ARMC12: variants seen among roughly 807,000 people sequenced by gnomAD.
The protein encoded by ARMC12 is armadillo repeat containing 12.
In ARMC12, 25 loss-of-function variants were observed where a neutral mutation model predicts 37.4. The observed-to-expected ratio is 0.67, with a 90% CI of 0.49 to 0.93. The LOEUF (loss-of-function observed/expected upper bound fraction) is 0.93. ARMC12 is among the 40% of genes least tolerant of loss of function. ARMC12 has a pLI of 0.00. For synonymous variants in ARMC12, 167 were observed against 176.1 expected (o/e 0.95, Z 0.41); for missense variants, 384 against 426.6 (o/e 0.90, Z 0.88).
chr6:35,738,401 G>A lies in ARMC12; in HGVS notation c.327G>A (p.Thr109=), dbSNP rs375466754. 30 of 1,613,486 alleles carry A rather than the reference G, an allele frequency of 1.9e-5. No homozygotes were observed. Among genetic ancestry groups the A allele is most frequent in the African/African-American group, 9.4e-5 (7 of 74,706 alleles). Residue 109 remains threonine, a synonymous_variant, in exon 3 of 6, where the codon ACG becomes ACA. Coordinates refer to ENST00000373866, the MANE Select transcript of ARMC12 (RefSeq NM_001286574.2). ...LLEAEASACT[T]DDIVLLGYML... ...TACTCCAGGCCTCTGCTTGTACTAC[G>A]GATGACATCGTGTTGCTGGGCTACA...
upstream of ARMC12, among the ~76,000 whole-genome samples, chr6:35,736,593 G>A (rs1269821507): frequency 6.6e-6 from 1 of 151,960 alleles, no homozygotes; most frequent in Admixed American, 6.6e-5. Context: ...TTCATCTCCT[G>A]TGGTCTCTAA....
upstream of ARMC12, chr6:35,737,020 C>T: frequency 6.4e-7 from 1 of 1,564,846 alleles, no homozygotes; most frequent in Non-Finnish European, 8.7e-7. Flanking sequence ...TACCCTGGTT[C>T]CTGACCCTGC....
rs35769368 is a variant in ARMC12, at chr6:35,738,037, C to G, written c.174C>G (p.Val58=). The G allele has an allele frequency of 3.0e-3, 4,917 of 1,613,334 alleles. 82 individuals are homozygous for G. In the African/African-American group the frequency reaches 0.047, roughly 15 times the overall value. The part of the protein sequence containing the change: ...NSPICIARLA[V]ERERHGRDSG... ...GGGGTGGCTGTCTAGGCCTGGCAGT[C>G]GAGCGAGAGCGGCACGGGCGGGACT... The change falls in exon 2 of 6, where the codon GTC becomes GTG. Residue 58 remains valine, a synonymous_variant. Coordinates refer to ENST00000373866, the MANE Select transcript of ARMC12 (RefSeq NM_001286574.2).
At chr6:35,732,310 T>C (rs1275537346), upstream of ARMC12, among the ~76,000 whole-genome samples, 2 of 152,156 alleles carry the variant, frequency 1.3e-5, no homozygotes, top group African/African-American at 4.8e-5. Context: ...ATCTCTTGGC[T>C]TTCTGCAAGG....
chr6:35,742,655 C>G (rs1055318441), intron 3 of ARMC12, among the ~76,000 whole-genome samples: 1 of 152,166 alleles, frequency 6.6e-6, no homozygotes, highest in Non-Finnish European at 1.5e-5. Flanking sequence ...CCCCTGGTCT[C>G]TTTTCAGGTG....
At chr6:35,740,237 C>T (rs1767124251) in intron 3 of ARMC12, among the ~76,000 whole-genome samples, 1 of 152,142 alleles carries the variant, frequency 6.6e-6, no homozygotes, top group Non-Finnish European at 1.5e-5. Context: ...GTCACTTCCC[C>T]CTTTCCCTGC....
intron 3 of ARMC12, among the ~76,000 whole-genome samples, chr6:35,746,230 G>A (rs1767333944): frequency 6.6e-6 from 1 of 152,076 alleles, no homozygotes; most frequent in African/African-American, 2.4e-5. Flanking sequence ...CTTAAAGGAG[G>A]TGTGAGAGTG....
intron 3 of ARMC12, among the ~76,000 whole-genome samples, chr6:35,744,234 C>T (rs557158733): frequency 1.1e-4 from 17 of 152,058 alleles, no homozygotes; most frequent in East Asian, 5.9e-4. Context: ...TTCCGCCTCC[C>T]GGGTTCAAGC....
In ARMC12 at chr6:35,740,067, G is replaced by A. The variant is rs564798454; in HGVS notation, c.444+1549G>A. 9.2e-5 allele frequency among the ~76,000 whole-genome samples: 14 copies of A among 152,274 alleles called. No individual in the cohort carries two copies. The South Asian group carries it at 2.7e-3, about 29-fold the overall frequency. On this transcript the variant is annotated intron_variant, in intron 3 of 5. Coordinates refer to ENST00000373866, the MANE Select transcript of ARMC12 (RefSeq NM_001286574.2). ...AACAAAGGACACTGCTGTCACTCAG[G>A]AAATTCCAAAGGTTTCAGGAGCTCT...
At chr6:35,736,850 T>C (rs2151033767), upstream of ARMC12, 1 of 517,142 alleles carries the variant, frequency 1.9e-6, no homozygotes, top group Non-Finnish European at 3.5e-6. Flanking sequence ...CCTCAAGTGA[T>C]CTGCCTGCCT....
chr6:35,737,954 C>G (rs1417304791), intron 1 of ARMC12, 73 bp from the exon 2 acceptor site: 3 of 1,597,824 alleles, frequency 1.9e-6, no homozygotes, highest in African/African-American at 2.7e-5. Context: ...AAGTCCCTGT[C>G]CCCTACTTCC....
intron 3 of ARMC12, among the ~76,000 whole-genome samples, chr6:35,740,136 C>G (rs559284763): frequency 6.6e-5 from 10 of 152,310 alleles, no homozygotes; most frequent in South Asian, 4.1e-4. Context: ...TTTTTATACT[C>G]TATCCCCTGG....
upstream of ARMC12, among the ~76,000 whole-genome samples, chr6:35,734,756 C>T (rs369060273): frequency 6.6e-6 from 1 of 151,330 alleles, no homozygotes; most frequent in Non-Finnish European, 1.5e-5. Flanking sequence ...GAGCCAACAT[C>T]GCACCACTGC....
Position 35,737,054 on chromosome 6 carries a change from C to A in ARMC12, c.-55C>A, listed in dbSNP as rs56354119. ...GCCAGAGTTCTGGTTCCGGAAGGCC[C>A]CCCACAGGTGCCTTGGGCCTAGCTC... On this transcript the variant is annotated 5_prime_UTR_variant, in exon 1 of 6. Transcript: ENST00000373866. 2.9e-5 allele frequency: 46 copies of A among 1,601,252 alleles called. No individual in the cohort carries two copies. In the African/African-American group the frequency reaches 6.0e-4, roughly 21 times the overall value.
upstream of ARMC12, among the ~76,000 whole-genome samples, chr6:35,733,662 C>T (rs150257485): frequency 4.9e-3 from 739 of 152,284 alleles, 6 homozygotes; most frequent in African/African-American, 0.014. Context: ...CACACCACCA[C>T]GTCCAGCTAA....
upstream of ARMC12, chr6:35,736,950 C>A: frequency 1.7e-6 from 2 of 1,152,110 alleles, no homozygotes; most frequent in South Asian, 2.9e-5. Context: ...CATTTCCTGA[C>A]CACTGCCCTC....
At position 35,738,150 on chromosome 6, in the gene ARMC12, G is replaced by A. The variant is rs760636851; in HGVS notation, c.287G>A (p.Cys96Tyr). The A allele has an allele frequency of 3.1e-6, 5 of 1,613,176 alleles. No homozygotes were observed. The highest frequency in any genetic ancestry group is 3.4e-6 in the Non-Finnish European group (4 of 1,179,634). ...KSMILHSITR[C>Y]VYLLEAEASA... Reference sequence around the variant, plus strand: ...ATGATCCTGCACAGTATCACTCGCTGTGTGTACTTGCTGGAGGCTGAGGTA... The same window carrying A: ...ATGATCCTGCACAGTATCACTCGCTATGTGTACTTGCTGGAGGCTGAGGTA... Residue 96 changes from cysteine (C) to tyrosine (Y), a missense_variant, in exon 2 of 6, where the codon TGT becomes TAT. Physicochemically the swap from Cys to Tyr is radical, Grantham distance 194 (BLOSUM62 -2). Coordinates refer to ENST00000373866, the MANE Select transcript of ARMC12 (RefSeq NM_001286574.2).
chr6:35,748,415 A>G, intron 5 of ARMC12, 123 bp from the exon 6 acceptor site: 1 of 702,186 alleles, frequency 1.4e-6, no homozygotes, highest in Non-Finnish European at 2.0e-6. Flanking sequence ...CTAAAAAATT[A>G]CTATATACTC....
Position 35,738,246 on chromosome 6 carries a change from G to A in ARMC12, c.309+74G>A, listed in dbSNP as rs999741393. 47 of 1,262,228 alleles carry A rather than the reference G, an allele frequency of 3.7e-5. No homozygotes were observed. The Admixed American group carries it at 4.6e-4, about 12-fold the overall frequency. The allele number at this position is 1,262,228 out of a possible 1,614,324, so 78.2% of individuals were successfully genotyped here. A position where few individuals can be genotyped will look rare whatever the true frequency, so the allele number is the denominator to read the frequency against. On this transcript the variant is annotated intron_variant, in intron 2 of 5. Transcript: ENST00000373866. The stretch of plus-strand genomic sequence containing the variant: ...ACGGCCGATCCCTGCCCCTGGAATG[G>A]CCAGACTATATCCTGGGACCTCTCT...
Sources: allele counts gnomAD v4.1 joint callset (sites outside exome capture counted in the v4.1 genomes callset), GRCh38; gene constraint gnomAD v4.1.1; transcripts MANE v1.5; gene names NCBI Gene and HGNC (gene_info 2026-07-23, HGNC 2026-07-21).